The following KAT14 variants were observed in gnomAD, a reference collection of about 807,000 sequenced individuals.
KAT14 encodes cysteine-rich protein 2-binding protein.
In KAT14, 66 loss-of-function variants were observed where a neutral mutation model predicts 78.4. The observed-to-expected ratio is 0.84, with a 90% CI of 0.69 to 1.03. KAT14 has a LOEUF of 1.03. Ranked by LOEUF, KAT14 falls within the 50% of genes least tolerant of loss-of-function variation. The pLI is 0.00. For missense variants in KAT14, 870 were observed against 972.5 expected (o/e 0.89, Z 1.40); for synonymous variants, 344 against 359.4 (o/e 0.96, Z 0.48).
chr20:18,183,013 G>C (rs572691745), intron 8 of KAT14, 110 bp from the exon 9 acceptor site: 2 of 1,423,608 alleles, frequency 1.4e-6, no homozygotes, highest in African/African-American at 2.9e-5. Flanking sequence ...AACAGTGCAG[G>C]TTACTTTAAA....
chr20:18,143,295 T>TA (rs1197050879), intron 2 of KAT14: 1 of 532,078 alleles, frequency 1.9e-6, no homozygotes, highest in African/African-American at 2.1e-5. Flanking sequence ...ATATTTAACT[T>TA]ACGTGGAGAA....
chr20:18,182,639 C>T (rs760752809), intron 8 of KAT14, among the ~76,000 whole-genome samples: 8 of 152,202 alleles, frequency 5.3e-5, no homozygotes, highest in Admixed American at 2.0e-4. Flanking sequence ...TTATTGCACT[C>T]ATTGCACTAC....
At chr20:18,145,025 A>T in intron 2 of KAT14, 1 of 1,213,332 alleles carries the variant, frequency 8.2e-7, no homozygotes, top group Non-Finnish European at 1.0e-6. Flanking sequence ...AAGTTACTGG[A>T]TCCTACAGAT....
chr20:18,187,600 A>C lies in KAT14; in HGVS notation c.*141A>C. The C allele has an allele frequency of 1.4e-6, 2 of 1,391,558 alleles. No homozygotes were observed. Among genetic ancestry groups the C allele is most frequent in the Non-Finnish European group, 1.9e-6 (2 of 1,043,504 alleles). 86.2% of individuals were successfully genotyped at this position (1,391,558 alleles called of 1,614,324 possible). A position where few individuals can be genotyped will look rare whatever the true frequency, so the allele number is the denominator to read the frequency against. ...TCAAACTCCCAACCAAAGTGAGAAA[A>C]GCGGCATGCAGTGAAATGAGCAGTG... On this transcript the variant is annotated 3_prime_UTR_variant, in exon 11 of 11. Transcript: ENST00000688188.
At chr20:18,137,567 A>G (rs2037341675), upstream of KAT14, among the ~76,000 whole-genome samples, 1 of 152,110 alleles carries the variant, frequency 6.6e-6, no homozygotes, top group Non-Finnish European at 1.5e-5. Flanking sequence ...TCTGTGGGAG[A>G]GGGGTCAGCA....
chr20:18,150,800 C>T, intron 3 of KAT14, 21 bp from the exon 4 acceptor site: 1 of 1,613,958 alleles, frequency 6.2e-7, no homozygotes, highest in Non-Finnish European at 8.5e-7. Flanking sequence ...TCTCCCACCT[C>T]TTGTTTCAAT....
intron 1 of KAT14, chr20:18,138,503 A>G (rs1402567547): frequency 3.1e-6 from 3 of 973,542 alleles, no homozygotes; most frequent in South Asian, 9.5e-5. Context: ...TCCTGGCCCA[A>G]GGTTGGGGTT....
intron 8 of KAT14, 116 bp from the exon 9 acceptor site, chr20:18,183,005 CAG>C: frequency 7.3e-7 from 1 of 1,368,636 alleles, no homozygotes; most frequent in Non-Finnish European, 9.8e-7. Context: ...TCGTGTAAAA[CAG>C]TGCAGGTTAC....
chr20:18,153,012 G>C (rs1192252584), intron 4 of KAT14, among the ~76,000 whole-genome samples: 1 of 152,172 alleles, frequency 6.6e-6, no homozygotes, highest in Non-Finnish European at 1.5e-5. Context: ...GTGAATTTTT[G>C]TTTGAGATTC....
chr20:18,161,192 C>T (rs1303777373), intron 5 of KAT14, among the ~76,000 whole-genome samples: 2 of 151,454 alleles, frequency 1.3e-5, no homozygotes, highest in African/African-American at 4.9e-5. Context: ...AAAAAAAGTA[C>T]CCATTGAAAT....
intron 3 of KAT14, among the ~76,000 whole-genome samples, chr20:18,147,471 A>G (rs1338955058): frequency 6.6e-6 from 1 of 152,218 alleles, no homozygotes; most frequent in African/African-American, 2.4e-5. Flanking sequence ...TAAATTTTCA[A>G]AAATGTGAGT....
chr20:18,179,181 T>C (rs913252222), intron 7 of KAT14, among the ~76,000 whole-genome samples: 3 of 152,218 alleles, frequency 2.0e-5, no homozygotes, highest in Non-Finnish European at 2.9e-5. Context: ...GCCCCCCTCC[T>C]GGCTGCTTTC....
chr20:18,138,104 G>A (rs772700708), intron 1 of KAT14, 53 bp downstream of exon 1: 6 of 1,427,378 alleles, frequency 4.2e-6, no homozygotes, highest in Middle Eastern at 1.8e-4. Context: ...CGTCGACCTG[G>A]GGCCTCTCGT....
chr20:18,144,006 C>G (rs543171474), intron 2 of KAT14, among the ~76,000 whole-genome samples: 2 of 152,274 alleles, frequency 1.3e-5, no homozygotes, highest in South Asian at 2.1e-4. Context: ...TGGTTTATAC[C>G]GAAACAGGAT....
chr20:18,140,877 G>A (rs2037522432), intron 1 of KAT14, among the ~76,000 whole-genome samples: 1 of 145,638 alleles, frequency 6.9e-6, no homozygotes, highest in Non-Finnish European at 1.5e-5. Flanking sequence ...TATTTATTTT[G>A]AGATGGGGCT....
intron 8 of KAT14, 52 bp from the exon 9 acceptor site, chr20:18,183,071 A>C (rs2039319773): frequency 6.4e-7 from 1 of 1,561,098 alleles, no homozygotes; most frequent in African/African-American, 1.4e-5. Flanking sequence ...GCTAGGAATA[A>C]TACCAGGTAT....
chr20:18,147,143 T>C (rs1031248891), intron 3 of KAT14, among the ~76,000 whole-genome samples: 1 of 152,248 alleles, frequency 6.6e-6, no homozygotes, highest in African/African-American at 2.4e-5. Flanking sequence ...TGTAGTTGCC[T>C]TAGCAGCCTT....
chr20:18,161,347 C>T (rs887060009), intron 5 of KAT14, among the ~76,000 whole-genome samples: 3 of 152,056 alleles, frequency 2.0e-5, no homozygotes, highest in African/African-American at 4.8e-5. Context: ...TGCACCACCA[C>T]GCCTGGCTAA....
chr20:18,155,758 G>A (rs1161024678), intron 4 of KAT14, among the ~76,000 whole-genome samples: 2 of 152,158 alleles, frequency 1.3e-5, no homozygotes, highest in Non-Finnish European at 2.9e-5. Flanking sequence ...GCGAGAATGT[G>A]GAGAAATGGG....
Sources: gnomAD v4.1 joint callset for allele counts (sites outside exome capture counted in the v4.1 genomes callset) on GRCh38, gnomAD v4.1.1 for gene constraint, MANE v1.5 for transcripts, NCBI Gene and HGNC (gene_info 2026-07-23, HGNC 2026-07-21) for gene names.